The following SREBF1 variants were observed in gnomAD, a reference collection of about 807,000 sequenced individuals.
SREBF1 encodes the protein sterol regulatory element-binding protein 1.
SREBF1 carries 45 observed loss-of-function variants against 100.1 expected under a neutral mutation model. The ratio of observed to expected loss-of-function variants is 0.45; its 90% CI spans 0.35 to 0.58. The LOEUF (loss-of-function observed/expected upper bound fraction) is 0.58, where lower values mean the gene tolerates loss of function less well. Among genes scored for constraint, SREBF1 ranks in the 20% least tolerant of loss-of-function variants. The pLI, the probability that SREBF1 is intolerant of heterozygous loss-of-function variation, is 0.00. For synonymous variants in SREBF1, 657 were observed against 681.8 expected (o/e 0.96, Z 0.57); for missense variants, 1,324 against 1,539.4 (o/e 0.86, Z 2.34).
chr17:17,822,927 G>A (rs538912477), intron 1 of SREBF1, among the ~76,000 whole-genome samples: 2 of 152,280 alleles, frequency 1.3e-5, no homozygotes, highest in East Asian at 3.9e-4. Flanking sequence ...AGTCTTCCTG[G>A]CTTCTCAAGT....
rs539337656 is a variant in SREBF1, at chr17:17,824,799, C to G, written c.92-4278G>C. On this transcript the variant is annotated intron_variant, in intron 1 of 18. Coordinates refer to ENST00000261646, the MANE Select transcript of SREBF1 (RefSeq NM_004176.5). The surrounding 1 kb of genome is among the most constrained non-coding windows in gnomAD (Gnocchi z 4.2). The stretch of plus-strand genomic sequence containing the variant: ...TTGGGGGCTGGGGTCCCTGCGGCCT[C>G]AACCTTGCTCTCTATTCAGGACCCT... 1.5e-3 allele frequency among the ~76,000 whole-genome samples: 227 copies of G among 152,326 alleles called. 1 individual carries two copies. The highest frequency in any genetic ancestry group is 5.2e-3 in the African/African-American group (215 of 41,564).
At chr17:17,818,454 G>T in intron 5 of SREBF1, 80 bp from the exon 6 acceptor site, 4 of 998,166 alleles carry the variant, frequency 4.0e-6, no homozygotes, top group Non-Finnish European at 6.3e-6. Context: ...CCCTAGCAAG[G>T]GGGTGCGGAG....
chr17:17,821,185 C>T (rs2034078430), intron 1 of SREBF1, among the ~76,000 whole-genome samples: 2 of 135,248 alleles, frequency 1.5e-5, no homozygotes, highest in South Asian at 2.2e-4. Context: ...ATACACACTG[C>T]ACCGTGGACT....
At chr17:17,833,680 C>A (rs529168675) in intron 1 of SREBF1, among the ~76,000 whole-genome samples, 1 of 151,918 alleles carries the variant, frequency 6.6e-6, no homozygotes, top group South Asian at 2.1e-4. Context: ...TCAATAAAGT[C>A]GTTTTTAAAA....
intron 2 of SREBF1, 139 bp from the exon 3 acceptor site, chr17:17,819,864 T>C: frequency 7.8e-7 from 1 of 1,289,724 alleles, no homozygotes; most frequent in Non-Finnish European, 1.0e-6. Context: ...CTGCCTGGGC[T>C]CTGATGCAAA....
At position 17,836,412 on chromosome 17, in the gene SREBF1, A is replaced by C. The variant is rs565098931; in HGVS notation, c.91+315T>G. Reference sequence around the variant, plus strand: ...CCCCAGCTTCAGCCGTGGCCATCACAGGGCTGGAGAGTCACCGGTCGGGCG... The same window carrying C: ...CCCCAGCTTCAGCCGTGGCCATCACCGGGCTGGAGAGTCACCGGTCGGGCG... On this transcript the variant is annotated intron_variant, in intron 1 of 18. Transcript: ENST00000261646. Among the ~76,000 whole-genome samples the C allele has an allele frequency of 6.4e-3, 971 of 152,278 alleles. 10 individuals are homozygous for C. Among genetic ancestry groups the C allele is most frequent in the Non-Finnish European group, 0.01 (706 of 67,996 alleles).
At chr17:17,813,066 G>C (rs762804763) in intron 18 of SREBF1, 1 of 602,488 alleles carries the variant, frequency 1.7e-6, no homozygotes, top group Non-Finnish European at 2.9e-6. Flanking sequence ...TCCCACAAAT[G>C]ACAGTCACCC....
At position 17,836,831 on chromosome 17, in the gene SREBF1, C is replaced by T. The variant is rs1324318559; in HGVS notation, c.-14G>A. The T allele has an allele frequency of 6.7e-7, 1 of 1,503,076 alleles. No homozygotes were observed. Among genetic ancestry groups the T allele is most frequent in the East Asian group, 2.6e-5 (1 of 38,816 alleles). 93.1% of individuals were successfully genotyped at this position (1,503,076 alleles called of 1,614,324 possible). ...TGGCTCGTCCATGGCGCAGCCGCCT[C>T]CTCCGGGAGGCCCGCCGGGCCCGCC... On this transcript the variant is annotated 5_prime_UTR_variant, in exon 1 of 19. Transcript: ENST00000261646.
In SREBF1 at chr17:17,816,968, T is replaced by G. The variant is rs774191561; in HGVS notation, c.1775A>C (p.Asp592Ala). The G allele has an allele frequency of 1.1e-5, 18 of 1,612,788 alleles. No homozygotes were observed. The highest frequency in any genetic ancestry group is 1.4e-5 in the Non-Finnish European group (17 of 1,180,026). ...FWRHRKQADL[D>A]LARGDFAQAA... ...GGGCCAGCCCCTTACCCGGGCCAGG[T>G]CCAGGTCAGCCTGCTTGCGATGCCT... The change falls in exon 9 of 19, where the codon GAC (aspartate) becomes GCC (alanine). Residue 592 changes from aspartate (D) to alanine (A), a missense_variant. Physicochemically the swap from Asp to Ala is moderately radical, Grantham distance 126. Coordinates refer to ENST00000261646, the MANE Select transcript of SREBF1 (RefSeq NM_004176.5).
intron 1 of SREBF1, among the ~76,000 whole-genome samples, chr17:17,825,756 C>T (rs904209904): frequency 3.3e-5 from 5 of 151,950 alleles, no homozygotes; most frequent in South Asian, 2.1e-4. Context: ...TACAGGTGTG[C>T]GCCACCACAC....
chr17:17,826,694 C>T (rs2034512106), intron 1 of SREBF1, among the ~76,000 whole-genome samples: 1 of 152,210 alleles, frequency 6.6e-6, no homozygotes, highest in South Asian at 2.1e-4. Flanking sequence ...AACAGGAAAC[C>T]TGAACCCCCA....
At chr17:17,834,790 G>A (rs1401252459) in intron 1 of SREBF1, among the ~76,000 whole-genome samples, 3 of 152,132 alleles carry the variant, frequency 2.0e-5, no homozygotes, top group African/African-American at 4.8e-5. Flanking sequence ...TGAGGCGGGC[G>A]GATCACAAGG....
Position 17,819,666 on chromosome 17 carries a change from C to T in SREBF1, c.583G>A (p.Gly195Arg), listed in dbSNP as rs1183133963. 6.2e-7 allele frequency: 1 copy of T among 1,611,974 alleles called. No homozygotes were observed. The highest frequency in any genetic ancestry group is 8.5e-7 in the Non-Finnish European group (1 of 1,179,260). The change falls in exon 3 of 19, where the codon GGG becomes AGG. Residue 195 changes from glycine to arginine, a missense_variant. Physicochemically the swap from Gly to Arg is moderately radical, Grantham distance 125. Transcript: ENST00000261646. ...GTGTGCAAGGAGACGGGCGGGACCC[C>T]TGGCGGGGAAGCCAGTGGCAGGCCA... Reference protein sequence around the residue: ...LPGLPLASPPGVPPVSLHTQV... With the variant: ...LPGLPLASPPRVPPVSLHTQV...
chr17:17,820,427 G>A lies in SREBF1; in HGVS notation c.186C>T (p.Ala62=). 6.2e-7 allele frequency: 1 copy of A among 1,613,740 alleles called. No homozygotes were observed. The highest frequency in any genetic ancestry group is 8.5e-7 in the Non-Finnish European group (1 of 1,179,768). The part of the protein sequence containing the change: ...AGSGAGGTDP[A]SPDTSSPGSL... The stretch of plus-strand genomic sequence containing the variant: ...TGCCTGGGGAGCTGGTATCGGGGCT[G>A]GCAGGGTCTGTGCCCCCTGCCCCAC... The change falls in exon 2 of 19, where the codon GCC becomes GCT. Residue 62 remains alanine, a synonymous_variant. Transcript: ENST00000261646.
At chr17:17,818,747 C>A in intron 5 of SREBF1, 1 of 583,862 alleles carries the variant, frequency 1.7e-6, no homozygotes, top group Non-Finnish European at 3.1e-6. Flanking sequence ...ATCTCCCCCA[C>A]CAGAAGGTCG....
At chr17:17,815,120 G>A (rs906766428) in intron 13 of SREBF1, 101 bp downstream of exon 13, 24 of 1,307,982 alleles carry the variant, frequency 1.8e-5, no homozygotes, top group Non-Finnish European at 2.5e-5. Context: ...TGGCACGCAC[G>A]GTAGCCCAGC....
At position 17,814,865 on chromosome 17, in the gene SREBF1, A is replaced by C. The variant is rs2033377588; in HGVS notation, c.2572T>G (p.Ser858Ala). ...GTGGTGGCCATGCTGGAACTGATGGAGAAGCTGTAGGCAGGAGCCCCCGCA... is the reference window on the plus strand; with the variant it reads ...GTGGTGGCCATGCTGGAACTGATGGCGAAGCTGTAGGCAGGAGCCCCCGCA... ...DAAGAPAYSF[S>A]ISSSMATTTG... Residue 858 changes from serine to alanine, a missense_variant, in exon 14 of 19, where the codon TCC (serine) becomes GCC (alanine). Transcript: ENST00000261646. The C allele has an allele frequency of 6.3e-7, 1 of 1,592,348 alleles. No individual in the cohort carries two copies. Among genetic ancestry groups the C allele is most frequent in the Non-Finnish European group, 8.5e-7 (1 of 1,170,226 alleles).
intron 1 of SREBF1, among the ~76,000 whole-genome samples, chr17:17,830,987 C>G (rs1384672607): frequency 6.6e-6 from 1 of 152,240 alleles, no homozygotes; most frequent in African/African-American, 2.4e-5. Flanking sequence ...AGATCCCAGG[C>G]CTCTGCTGGC....
intron 10 of SREBF1, 41 bp downstream of exon 10, chr17:17,816,416 A>C (rs763903320): frequency 6.2e-7 from 1 of 1,600,660 alleles, no homozygotes. Context: ...GAGCACAGGC[A>C]GCAGGGAGCA....
Sources: allele counts gnomAD v4.1 joint callset (sites outside exome capture counted in the v4.1 genomes callset), GRCh38; gene constraint gnomAD v4.1.1; non-coding constraint Gnocchi (gnomAD v3.1); transcripts MANE v1.5; gene names NCBI Gene and HGNC (gene_info 2026-07-23, HGNC 2026-07-21).